The following SLC12A9 variants were observed in gnomAD, a reference collection of about 807,000 sequenced individuals.
SLC12A9 encodes the protein solute carrier family 12 member 9, also known as CCC-interacting protein 1.
In SLC12A9, 55 loss-of-function variants were observed where a neutral mutation model predicts 66.0. The observed-to-expected ratio is 0.83, with a 90% CI of 0.67 to 1.04. The LOEUF is 1.04. Among genes scored for constraint, SLC12A9 ranks in the 50% least tolerant of loss-of-function variants. The pLI is 0.00. For synonymous variants in SLC12A9, 577 were observed against 569.0 expected (o/e 1.01, Z -0.20); for missense variants, 1,061 against 1,241.9 (o/e 0.85, Z 2.19).
rs190969979 is a variant in SLC12A9 at position 100,865,246 on chromosome 7, C to T, written c.1859-473C>T. The stretch of plus-strand genomic sequence containing the variant: ...ATGCTGCGATTACAGGTGTGAGCCA[C>T]GGTGCCCTGCCTGGTCCATTTTTTC... On this transcript the variant is annotated intron_variant, in intron 13 of 13. Coordinates refer to ENST00000354161, the MANE Select transcript of SLC12A9 (RefSeq NM_020246.4). 18 of 1,535,636 alleles carry T rather than the reference C, an allele frequency of 1.2e-5. No homozygotes were observed. The East Asian group carries it at 1.7e-4, about 15-fold the overall frequency.
intron 4 of SLC12A9, 173 bp downstream of exon 4, chr7:100,856,010 T>C: frequency 9.8e-7 from 1 of 1,022,218 alleles, no homozygotes; most frequent in Non-Finnish European, 1.3e-6. Flanking sequence ...ATCCCTGAGA[T>C]TGTCCTTGCC....
upstream of SLC12A9, among the ~76,000 whole-genome samples, chr7:100,848,083 C>CAAAAA (rs36071720): frequency 3.0e-4 from 13 of 43,936 alleles, no homozygotes; most frequent in South Asian, 1.2e-3. Flanking sequence ...GACTCCATCT[C>CAAAAA]AAAAAAAAAA....
At chr7:100,849,075 T>C (rs762921825), upstream of SLC12A9, among the ~76,000 whole-genome samples, 8 of 151,532 alleles carry the variant, frequency 5.3e-5, no homozygotes, top group Non-Finnish European at 8.8e-5. Flanking sequence ...TACAGGCGTG[T>C]ACCACCAGGC....
intron 3 of SLC12A9, 174 bp from the exon 4 acceptor site, chr7:100,855,532 G>A (rs902013481): frequency 1.2e-5 from 9 of 756,994 alleles, no homozygotes; most frequent in Non-Finnish European, 1.8e-5. Flanking sequence ...TCATCTGTTA[G>A]GCAGTGATTG....
In SLC12A9 at chr7:100,861,528, G is replaced by A. The variant is rs1433120701; in HGVS notation, c.1480G>A (p.Ala494Thr). The change falls in exon 11 of 14, where the codon GCG becomes ACG. Residue 494 changes from alanine to threonine, a missense_variant. By Grantham distance (58) the Ala-to-Thr change is moderately conservative. Coordinates refer to ENST00000354161, the MANE Select transcript of SLC12A9 (RefSeq NM_020246.4). The surrounding 1 kb of genome is among the most constrained non-coding windows in gnomAD (Gnocchi z 5.3). ...LMGLLAALLT[A>T]RGGPSSWGYV... ...GGGTCTGCTGGCTGCCCTGCTCACC[G>A]CGCGAGGAGGCCCCAGTAGCTGGGG... 1.3e-5 allele frequency: 21 copies of A among 1,613,622 alleles called. No homozygotes were observed. The highest frequency in any genetic ancestry group is 6.7e-5 in the Admixed American group (4 of 60,000).
intron 1 of SLC12A9, among the ~76,000 whole-genome samples, chr7:100,853,091 G>A (rs1814167263): frequency 6.6e-6 from 1 of 151,996 alleles, no homozygotes; most frequent in African/African-American, 2.4e-5. Flanking sequence ...AGGCTAAGGC[G>A]AGGAGGAGGG....
intron 13 of SLC12A9, chr7:100,865,414 G>A (rs1311720716): frequency 6.5e-7 from 1 of 1,536,000 alleles, no homozygotes; most frequent in Non-Finnish European, 8.7e-7. Context: ...AGCCGGGAGT[G>A]GACAGCATCC....
intron 1 of SLC12A9, among the ~76,000 whole-genome samples, chr7:100,847,496 T>G (rs1432263881): frequency 6.6e-6 from 1 of 152,178 alleles, no homozygotes; most frequent in African/African-American, 2.4e-5. Flanking sequence ...GCTGCTCAGC[T>G]GAGAATAGAT....
upstream of SLC12A9, among the ~76,000 whole-genome samples, chr7:100,851,411 C>A (rs1217947750): frequency 6.6e-6 from 1 of 151,488 alleles, no homozygotes; most frequent in Non-Finnish European, 1.5e-5. Context: ...TTATAACTAA[C>A]TGACCCTGAA....
Position 100,866,333 on chromosome 7 carries a change from C to A in SLC12A9, c.2473C>A (p.Arg825=). The A allele has an allele frequency of 6.6e-7, 1 of 1,506,072 alleles. No homozygotes were observed. The highest frequency in any genetic ancestry group is 8.9e-7 in the Non-Finnish European group (1 of 1,124,106). 93.3% of individuals were successfully genotyped at this position (1,506,072 alleles called of 1,614,324 possible). A position where few individuals can be genotyped will look rare whatever the true frequency, so the allele number is the denominator to read the frequency against. The part of the protein sequence containing the change: ...EEEGDFVNSG[R]GDAEAEALAR... ...GGAAGGGGACTTTGTGAACAGTGGG[C>A]GGGGAGACGCAGAGGCAGAGGCCCT... Residue 825 remains arginine (R), a synonymous_variant, in exon 14 of 14, where the codon CGG becomes AGG. Coordinates refer to ENST00000354161, the MANE Select transcript of SLC12A9 (RefSeq NM_020246.4). This position sits in a 1 kb window ranked among gnomAD's most constrained non-coding sequence, Gnocchi z 7.3.
intron 1 of SLC12A9, among the ~76,000 whole-genome samples, chr7:100,839,827 G>C (rs1039083410): frequency 6.6e-6 from 1 of 152,112 alleles, no homozygotes; most frequent in African/African-American, 2.4e-5. Flanking sequence ...CGGATGACGA[G>C]GTCAGGAGAT....
chr7:100,848,605 G>C (rs1362920239), upstream of SLC12A9, among the ~76,000 whole-genome samples: 4 of 152,114 alleles, frequency 2.6e-5, no homozygotes, highest in African/African-American at 4.8e-5. Context: ...GTTGAAAAGA[G>C]GTTGGGCGCA....
intron 1 of SLC12A9, among the ~76,000 whole-genome samples, chr7:100,839,168 C>T (rs185191604): frequency 6.6e-6 from 1 of 151,998 alleles, no homozygotes; most frequent in African/African-American, 2.4e-5. Context: ...CTAAAAAATA[C>T]AAAAAAATTA....
chr7:100,850,206 C>T (rs1814029652), upstream of SLC12A9, among the ~76,000 whole-genome samples: 2 of 148,988 alleles, frequency 1.3e-5, no homozygotes, highest in South Asian at 4.3e-4. Context: ...CTTTCCTTCC[C>T]TCCCTCCCTC....
At chr7:100,865,146 T>C (rs887469782) in intron 13 of SLC12A9, 2 of 961,532 alleles carry the variant, frequency 2.1e-6, no homozygotes, top group Non-Finnish European at 3.2e-6. Flanking sequence ...TTAGTAGAGA[T>C]AGCATTTCAC....
At position 100,859,951 on chromosome 7, in the gene SLC12A9, C is replaced by A. The variant is rs545423607; in HGVS notation, c.1044C>A (p.Ile348=). The part of the protein sequence containing the change: ...AISLWPPLVL[I]GIYATALSAS... The stretch of plus-strand genomic sequence containing the variant: ...GCCTGTGGCCCCCACTGGTGTTGAT[C>A]GGAATCTATGCCACAGCGCTCTCAG... The change falls in exon 8 of 14, where the codon ATC becomes ATA. Residue 348 remains isoleucine, a synonymous_variant. Coordinates refer to ENST00000354161, the MANE Select transcript of SLC12A9 (RefSeq NM_020246.4). 3.7e-6 allele frequency: 6 copies of A among 1,612,436 alleles called. No individual in the cohort carries two copies. The highest frequency in any genetic ancestry group is 5.1e-6 in the Non-Finnish European group (6 of 1,178,692).
intron 13 of SLC12A9, among the ~76,000 whole-genome samples, chr7:100,863,662 C>T (rs1446227532): frequency 6.6e-6 from 1 of 152,214 alleles, no homozygotes; most frequent in African/African-American, 2.4e-5. Flanking sequence ...CTGTGTGGGG[C>T]GGACGTCTGT....
rs754227121 is a variant in SLC12A9, at chr7:100,866,610, C to T, written c.*5C>T. 3 of 1,550,578 alleles carry T rather than the reference C, an allele frequency of 1.9e-6. No homozygotes were observed. In the Admixed American group the frequency reaches 5.8e-5, roughly 30 times the overall value. On this transcript the variant is annotated 3_prime_UTR_variant, in exon 14 of 14. Transcript: ENST00000354161. The surrounding 1 kb of genome is among the most constrained non-coding windows in gnomAD (Gnocchi z 7.3). ...GTCACCTGCACTGATCTGTGATGCC[C>T]CTGCCTCCAGGGCTAGGTAGAGAGG...
chr7:100,855,647 A>G, intron 3 of SLC12A9, 59 bp from the exon 4 acceptor site: 1 of 1,610,208 alleles, frequency 6.2e-7, no homozygotes, highest in Non-Finnish European at 8.5e-7. Flanking sequence ...AGCTATGGCA[A>G]CTTCCTCACG....
Sources: allele counts gnomAD v4.1 joint callset (sites outside exome capture counted in the v4.1 genomes callset), GRCh38; gene constraint gnomAD v4.1.1; non-coding constraint Gnocchi (gnomAD v3.1); transcripts MANE v1.5; gene names NCBI Gene and HGNC (gene_info 2026-07-23, HGNC 2026-07-21).